SRGAP3: variants seen among roughly 807,000 people sequenced by gnomAD.
The protein encoded by SRGAP3 is SLIT-ROBO Rho GTPase-activating protein 3.
A neutral mutation model predicts 121.1 loss-of-function variants in SRGAP3; 39 were observed. That is an observed-to-expected ratio of 0.32 (90% CI 0.25 to 0.42). The LOEUF (loss-of-function observed/expected upper bound fraction) is 0.42. SRGAP3 is among the 10% of genes least tolerant of loss of function. The pLI is 1.00. For missense variants in SRGAP3, 1,213 were observed against 1,470.6 expected (o/e 0.82, Z 2.86); for synonymous variants, 601 against 570.0 (o/e 1.05, Z -0.77).
intron 1 of SRGAP3, chr3:9,235,535 G>C (rs981704432): frequency 7.4e-6 from 1 of 134,304 alleles, no homozygotes; most frequent in African/African-American, 2.8e-5. Context: ...ATGGAGTCTC[G>C]CTCTGTCACC....
rs546015375 is a variant in SRGAP3 at position 9,297,493 on chromosome 3, A to G, written n.442+28517T>C. ...TGCACATGTTGAAATCCTAACTCCT[A>G]GTACCTCAGAATGTGACTAAATTTG... is the stretch of plus-strand genomic sequence containing the variant. On this transcript the variant is annotated intron_variant and non_coding_transcript_variant, in intron 3 of 3. Coordinates refer to the SRGAP3 transcript ENST00000490889. 3.3e-5 allele frequency among the ~76,000 whole-genome samples: 5 copies of G among 152,258 alleles called. No homozygotes were observed. In the South Asian group the frequency reaches 1.0e-3, roughly 32 times the overall value.
intron 14 of SRGAP3, among the ~76,000 whole-genome samples, chr3:9,019,570 C>G (rs1357513833): frequency 6.6e-6 from 1 of 152,204 alleles, no homozygotes; most frequent in Non-Finnish European, 1.5e-5. Flanking sequence ...TCCTGAACAG[C>G]GAAGAGCACC....
In SRGAP3 at chr3:9,124,882, G is replaced by C. The variant is rs1211610671; in HGVS notation, c.103C>G (p.Leu35Val). The C allele has an allele frequency of 6.2e-7, 1 of 1,614,104 alleles. No individual in the cohort carries two copies. Among genetic ancestry groups the C allele is most frequent in the African/African-American group, 1.3e-5 (1 of 74,948 alleles). The change falls in exon 2 of 22, where the codon CTG (leucine) becomes GTG (valine). Residue 35 changes from leucine to valine, a missense_variant. Leu to Val is a conservative substitution (Grantham distance 32). This residue lies in a region of SRGAP3 where 793 missense variants were observed against 1,032.9 expected (regional missense o/e 0.77). Transcript: ENST00000383836. ...AGTCGCGACTCTGATTGCTGCTCCA[G>C]ACATTTGAACTGCTCCACCAGCTGC... ...RTQLVEQFKC[L>V]EQQSESRLQL...
intron 1 of SRGAP3, among the ~76,000 whole-genome samples, chr3:9,154,604 C>T (rs187073802): frequency 2.6e-3 from 390 of 152,304 alleles, no homozygotes; most frequent in Non-Finnish European, 4.4e-3. Flanking sequence ...TTCCTGTTCA[C>T]GTGATAGAAA....
intron 2 of SRGAP3, among the ~76,000 whole-genome samples, chr3:9,116,828 C>A (rs748610823): frequency 2.0e-5 from 3 of 152,208 alleles, no homozygotes; most frequent in South Asian, 2.1e-4. Context: ...TCCCTCTGGG[C>A]AAATTACTTA....
intron 4 of SRGAP3, among the ~76,000 whole-genome samples, chr3:9,075,056 T>G (rs1319216773): frequency 6.6e-6 from 1 of 152,240 alleles, no homozygotes. Context: ...AGAAATATAT[T>G]GAAAATCTGA....
intron 1 of SRGAP3, among the ~76,000 whole-genome samples, chr3:9,162,076 C>T (rs1950615956): frequency 6.6e-6 from 1 of 152,132 alleles, no homozygotes. Flanking sequence ...AAGACAAATA[C>T]TGTATGACTC....
intron 1 of SRGAP3, among the ~76,000 whole-genome samples, chr3:9,248,504 C>T (rs962995789): frequency 6.6e-6 from 1 of 152,130 alleles, no homozygotes; most frequent in Non-Finnish European, 1.5e-5. Flanking sequence ...TAAAAAAATA[C>T]CCCAATATTA....
At chr3:9,160,148 T>G (rs970320961) in intron 1 of SRGAP3, among the ~76,000 whole-genome samples, 85 of 152,328 alleles carry the variant, frequency 5.6e-4, no homozygotes, top group African/African-American at 2.0e-3. Context: ...CTCACAGGGT[T>G]ATGGTGCAGA....
rs529911653 is a variant in SRGAP3, at chr3:9,229,452, G to A, written c.67+19433C>T. Among the ~76,000 whole-genome samples, 12 of 152,254 alleles carry A rather than the reference G, an allele frequency of 7.9e-5. No homozygotes were observed. The South Asian group carries it at 1.2e-3, about 16-fold the overall frequency. ...AGAGCTGAGATTCAGGTGTGGGCCCGGACAGAGGCCGGCATGGCAACCTCC... is the reference window on the plus strand; with the variant it reads ...AGAGCTGAGATTCAGGTGTGGGCCCAGACAGAGGCCGGCATGGCAACCTCC... On this transcript the variant is annotated intron_variant, in intron 1 of 21. Coordinates refer to ENST00000383836, the MANE Select transcript of SRGAP3 (RefSeq NM_014850.4).
intron 10 of SRGAP3, among the ~76,000 whole-genome samples, chr3:9,043,497 G>A (rs1377840500): frequency 6.6e-6 from 1 of 152,096 alleles, no homozygotes; most frequent in African/African-American, 2.4e-5. Context: ...GTTTTAGGAT[G>A]TGGAGTGGAA....
At chr3:9,358,203 A>C (rs2728950) in intron 1 of SRGAP3, among the ~76,000 whole-genome samples, 107,828 of 151,784 alleles carry the variant, frequency 0.71, 38,523 homozygotes, top group South Asian at 0.85. Flanking sequence ...CACTTCCATA[A>C]GAAACTCTAC....
intron 1 of SRGAP3, among the ~76,000 whole-genome samples, chr3:9,242,959 A>G (rs2125239400): frequency 6.6e-6 from 1 of 152,332 alleles, no homozygotes; most frequent in South Asian, 2.1e-4. Flanking sequence ...TGCTGGGACT[A>G]CAGACATGAA....
At chr3:9,232,367 A>T (rs1159508521) in intron 1 of SRGAP3, among the ~76,000 whole-genome samples, 1 of 152,184 alleles carries the variant, frequency 6.6e-6, no homozygotes, top group Non-Finnish European at 1.5e-5. Flanking sequence ...TATAAAGATG[A>T]AAAGGTCTTC....
chr3:8,987,419 T>TA (rs35968802), intron 21 of SRGAP3, among the ~76,000 whole-genome samples: 12,147 of 151,682 alleles, frequency 0.08, 1,285 homozygotes, highest in African/African-American at 0.24. Flanking sequence ...TTGCAAATCC[T>TA]AAAAAAAATA....
chr3:9,111,193 G>A (rs1253157318), intron 2 of SRGAP3, among the ~76,000 whole-genome samples: 1 of 152,246 alleles, frequency 6.6e-6, no homozygotes, highest in African/African-American at 2.4e-5. Context: ...CCTACCATGA[G>A]CCCACGAATG....
intron 3 of SRGAP3, among the ~76,000 whole-genome samples, chr3:9,322,041 TA>T (rs1955446146): frequency 6.6e-6 from 1 of 151,478 alleles, no homozygotes; most frequent in South Asian, 2.1e-4. Context: ...GTAAGTAGGA[TA>T]GGAGAGGAAG....
intron 3 of SRGAP3, among the ~76,000 whole-genome samples, chr3:9,255,659 C>A (rs1238265593): frequency 2.0e-5 from 3 of 152,096 alleles, no homozygotes; most frequent in Non-Finnish European, 2.9e-5. Context: ...CAGTCCCGAA[C>A]AATCCACATG....
At position 9,058,358 on chromosome 3, in the gene SRGAP3, C is replaced by T; in HGVS notation, c.916G>A (p.Val306Met). 1 of 1,614,248 alleles carries T rather than the reference C, an allele frequency of 6.2e-7. No homozygotes were observed. The change falls in exon 7 of 22, where the codon GTG becomes ATG. Residue 306 changes from valine to methionine, a missense_variant. Physicochemically the swap from Val to Met is conservative, Grantham distance 21 (BLOSUM62 1). Coordinates refer to ENST00000383836, the MANE Select transcript of SRGAP3 (RefSeq NM_014850.4). ...HEGLDVIENA[V>M]DNLDSRSDKH... is the part of the protein sequence containing the mutation. ...TCACTTCGGGAATCCAGGTTGTCCACTGCATTCTCAATGACATCCAGCCCT... is the reference window on the plus strand; with the variant it reads ...TCACTTCGGGAATCCAGGTTGTCCATTGCATTCTCAATGACATCCAGCCCT...
Sources: gnomAD v4.1 joint callset for allele counts (sites outside exome capture counted in the v4.1 genomes callset) on GRCh38, gnomAD v4.1.1 for gene constraint, gnomAD v4.1.1 regional missense constraint, MANE v1.5 for transcripts, NCBI Gene and HGNC (gene_info 2026-07-23, HGNC 2026-07-21) for gene names.